TAX1BP1: variants seen among roughly 807,000 people sequenced by gnomAD.
TAX1BP1 encodes the protein Tax1 binding protein 1.
TAX1BP1 carries 62 observed loss-of-function variants against 97.7 expected under a neutral mutation model. The observed-to-expected ratio is 0.63, with a 90% CI of 0.52 to 0.78. The LOEUF (loss-of-function observed/expected upper bound fraction) is 0.78, where lower values mean the gene tolerates loss of function less well. TAX1BP1 is among the 30% of genes least tolerant of loss of function. The pLI, the probability that TAX1BP1 is intolerant of heterozygous loss-of-function variation, is 0.00. For synonymous variants in TAX1BP1, 340 were observed against 304.2 expected (o/e 1.12, Z -1.23); for missense variants, 867 against 916.1 (o/e 0.95, Z 0.69).
In TAX1BP1 at chr7:27,779,066, T is replaced by A. The variant is rs11981903; in HGVS notation, c.613-6097T>A. 5.0e-3 allele frequency among the ~76,000 whole-genome samples: 757 copies of A among 152,258 alleles called. 7 individuals are homozygous for A. The highest frequency in any genetic ancestry group is 7.6e-3 in the African/African-American group (314 of 41,552). The stretch of plus-strand genomic sequence containing the variant: ...TCTGTCTCTATATTTGCCTTTTTTT[T>A]AATATTTGTTTAATGATTTTGAGGT... On this transcript the variant is annotated intron_variant, in intron 5 of 16. Transcript: ENST00000396319.
chr7:27,782,276 G>A (rs180868440), intron 5 of TAX1BP1, among the ~76,000 whole-genome samples: 175 of 151,484 alleles, frequency 1.2e-3, no homozygotes, highest in African/African-American at 3.9e-3. Flanking sequence ...TTTCTCTGTC[G>A]CCCAGGCTGG....
At chr7:27,803,166 C>T (rs1583393406) in intron 13 of TAX1BP1, 2 of 1,546,432 alleles carry the variant, frequency 1.3e-6, no homozygotes, top group East Asian at 4.9e-5. Context: ...TTTGGAAAAC[C>T]TCTCCAGGGA....
intron 2 of TAX1BP1, among the ~76,000 whole-genome samples, chr7:27,750,658 T>C (rs149712978): frequency 2.3e-4 from 35 of 152,344 alleles, no homozygotes; most frequent in African/African-American, 8.2e-4. Context: ...TCTTTGTATA[T>C]GTATAGGTTG....
intron 15 of TAX1BP1, among the ~76,000 whole-genome samples, chr7:27,821,510 C>T (rs1478759587): frequency 6.6e-6 from 1 of 151,670 alleles, no homozygotes; most frequent in East Asian, 1.9e-4. Flanking sequence ...TGGTGCACGC[C>T]AGTAATCCCA....
intron 13 of TAX1BP1, among the ~76,000 whole-genome samples, chr7:27,801,064 A>C (rs1790117298): frequency 6.8e-6 from 1 of 146,846 alleles, no homozygotes; most frequent in East Asian, 2.1e-4. Context: ...AGATCATGCC[A>C]TTGCACTCCA....
At chr7:27,821,704 C>A (rs914237273) in intron 15 of TAX1BP1, among the ~76,000 whole-genome samples, 5 of 151,424 alleles carry the variant, frequency 3.3e-5, no homozygotes, top group African/African-American at 1.2e-4. Flanking sequence ...ATACAATTTG[C>A]CATTTAAAGT....
At chr7:27,812,339 GCTGT>G (rs1481876639) in intron 13 of TAX1BP1, among the ~76,000 whole-genome samples, 1 of 152,010 alleles carries the variant, frequency 6.6e-6, no homozygotes, top group Non-Finnish European at 1.5e-5. Flanking sequence ...TTTTTATTGA[GCTGT>G]CTGTCATCTT....
chr7:27,744,373 C>T (rs1270102234), intron 1 of TAX1BP1, among the ~76,000 whole-genome samples: 1 of 152,166 alleles, frequency 6.6e-6, no homozygotes, highest in Non-Finnish European at 1.5e-5. Flanking sequence ...GATCCGCCCG[C>T]CTCGGCCTCC....
At chr7:27,786,711 G>C (rs1241303738) in intron 7 of TAX1BP1, among the ~76,000 whole-genome samples, 1 of 152,188 alleles carries the variant, frequency 6.6e-6, no homozygotes, top group Non-Finnish European at 1.5e-5. Flanking sequence ...TTCTATCCTT[G>C]TGAACAGGAA....
At chr7:27,817,120 GTGT>G in intron 15 of TAX1BP1, 82 bp downstream of exon 15, 1 of 1,479,308 alleles carries the variant, frequency 6.8e-7, no homozygotes. Flanking sequence ...GTGTGCATAT[GTGT>G]ATCTTTGTGC....
intron 12 of TAX1BP1, among the ~76,000 whole-genome samples, chr7:27,799,720 T>C (rs1583389856): frequency 6.6e-6 from 1 of 152,184 alleles, no homozygotes; most frequent in African/African-American, 2.4e-5. Context: ...TTTCAATTAA[T>C]GTATCTTAAC....
At chr7:27,817,419 T>C (rs1372981500) in intron 15 of TAX1BP1, among the ~76,000 whole-genome samples, 1 of 152,246 alleles carries the variant, frequency 6.6e-6, no homozygotes, top group African/African-American at 2.4e-5. Flanking sequence ...GGCAGTGTTA[T>C]GCTTCAGTGT....
At chr7:27,760,482 T>C (rs1788384315) in intron 3 of TAX1BP1, among the ~76,000 whole-genome samples, 1 of 150,828 alleles carries the variant, frequency 6.6e-6, no homozygotes, top group Non-Finnish European at 1.5e-5. Context: ...AAGCTCCGCC[T>C]CCTTAGTTTT....
At chr7:27,811,388 G>A (rs1790554973) in intron 13 of TAX1BP1, among the ~76,000 whole-genome samples, 1 of 151,980 alleles carries the variant, frequency 6.6e-6, no homozygotes. Flanking sequence ...CTTAATGTTT[G>A]CAAGTTTTGC....
intron 9 of TAX1BP1, 118 bp from the exon 10 acceptor site, chr7:27,792,947 GC>G: frequency 1.1e-6 from 1 of 892,816 alleles, no homozygotes; most frequent in East Asian, 3.0e-5. Context: ...GGGTGACAGA[GC>G]AAGACTCTGT....
At chr7:27,740,935 C>G (rs915368590) in intron 1 of TAX1BP1, among the ~76,000 whole-genome samples, 1 of 152,208 alleles carries the variant, frequency 6.6e-6, no homozygotes, top group African/African-American at 2.4e-5. Context: ...GACTTGCACT[C>G]CTGGCTTAGG....
intron 3 of TAX1BP1, among the ~76,000 whole-genome samples, chr7:27,764,975 CTCTTA>C (rs898915321): frequency 2.0e-3 from 9 of 4,392 alleles, no homozygotes; most frequent in Admixed American, 2.7e-3. Context: ...ACAAGAATTT[CTCTTA>C]TCTTATAGAT....
intron 5 of TAX1BP1, among the ~76,000 whole-genome samples, chr7:27,779,206 C>A (rs1266595458): frequency 6.6e-6 from 1 of 152,100 alleles, no homozygotes; most frequent in East Asian, 1.9e-4. Flanking sequence ...TCCCAGCTGG[C>A]CTCAGACTCC....
intron 13 of TAX1BP1, among the ~76,000 whole-genome samples, chr7:27,808,940 A>T (rs1435966992): frequency 1.3e-5 from 2 of 152,188 alleles, no homozygotes; most frequent in Non-Finnish European, 2.9e-5. Context: ...TTGTTTCTAG[A>T]ACCCTTTGAT....
Sources: allele counts gnomAD v4.1 joint callset (sites outside exome capture counted in the v4.1 genomes callset), GRCh38; gene constraint gnomAD v4.1.1; transcripts MANE v1.5; gene names NCBI Gene and HGNC (gene_info 2026-07-23, HGNC 2026-07-21).